The following RAPGEF1 variants were observed in gnomAD, a reference collection of about 807,000 sequenced individuals.
RAPGEF1 encodes the protein CRK SH3-binding GNRP.
A neutral mutation model predicts 143.3 loss-of-function variants in RAPGEF1; 33 were observed. That is an observed-to-expected ratio of 0.23 (90% CI 0.17 to 0.31). The LOEUF (loss-of-function observed/expected upper bound fraction) is 0.31, where lower values mean the gene tolerates loss of function less well. Ranked by LOEUF, RAPGEF1 falls within the 10% of genes least tolerant of loss-of-function variation. The probability of loss-of-function intolerance (pLI) is 1.00; values close to 1 mark genes in which losing one functional copy is unlikely to be tolerated. For synonymous variants in RAPGEF1, 629 were observed against 676.5 expected, an observed-to-expected ratio of 0.93 and a Z score of 1.09; for missense variants, 1,199 against 1,645.4, an observed-to-expected ratio of 0.73 and a Z score of 4.69.
intron 12 of RAPGEF1, among the ~76,000 whole-genome samples, chr9:131,605,641 C>T (rs1957002417): frequency 6.6e-6 from 1 of 152,194 alleles, no homozygotes; most frequent in Admixed American, 6.5e-5. Context: ...TGAAATCCAC[C>T]TTGAATGCTT....
At chr9:131,607,325 C>G (rs946987923) in intron 12 of RAPGEF1, among the ~76,000 whole-genome samples, 1 of 152,168 alleles carries the variant, frequency 6.6e-6, no homozygotes, top group Admixed American at 6.5e-5. Flanking sequence ...GCTTGCCGCC[C>G]TCACCTACAC....
rs373270123 is a variant in RAPGEF1, at chr9:131,638,776, G to T, written c.510C>A (p.Ser170=). 9.9e-6 allele frequency: 16 copies of T among 1,613,794 alleles called. No homozygotes were observed. Among genetic ancestry groups the T allele is most frequent in the Non-Finnish European group, 1.4e-5 (16 of 1,179,868 alleles). Residue 170 remains serine, a synonymous_variant, in exon 5 of 27, where the codon TCC becomes TCA. Coordinates refer to ENST00000683357, the MANE Select transcript of RAPGEF1 (RefSeq NM_001377935.1). ...PRIQHSSALS[S]CYSRVYQSLA... is the part of the protein sequence containing the mutation. ...GGCTTTGGTACACTCGGCTATAGCA[G>T]GAAGAGAGGGCTGAGCTACAGGGAA...
chr9:131,709,792 C>A, intron 1 of RAPGEF1: 1 of 1,528,804 alleles, frequency 6.5e-7, no homozygotes, highest in Non-Finnish European at 8.8e-7. Context: ...CATCCCAAAC[C>A]ACCCAGCGGC....
chr9:131,737,962 C>T (rs7045366), intron 1 of RAPGEF1, among the ~76,000 whole-genome samples: 40,837 of 125,388 alleles, frequency 0.33, 5,670 homozygotes, highest in South Asian at 0.35. Context: ...AGCAAGACTC[C>T]GTCTCAAAAA....
intron 1 of RAPGEF1, among the ~76,000 whole-genome samples, chr9:131,696,616 GA>G (rs1479475590): frequency 6.6e-6 from 1 of 152,188 alleles, no homozygotes; most frequent in Non-Finnish European, 1.5e-5. Context: ...GGTGCTCAGC[GA>G]ACTGTAGCTC....
At chr9:131,691,160 TTTC>T (rs1454532758) in intron 1 of RAPGEF1, among the ~76,000 whole-genome samples, 1 of 152,228 alleles carries the variant, frequency 6.6e-6, no homozygotes, top group African/African-American at 2.4e-5. Context: ...CTGAAGTCTT[TTTC>T]TTATCACTGG....
chr9:131,690,449 A>G (rs888353516), intron 1 of RAPGEF1, among the ~76,000 whole-genome samples: 26 of 152,318 alleles, frequency 1.7e-4, no homozygotes, highest in Admixed American at 2.0e-4. Flanking sequence ...ATTATTTATA[A>G]TGTCCAATTT....
intron 1 of RAPGEF1, among the ~76,000 whole-genome samples, chr9:131,705,461 C>A (rs955042296): frequency 6.6e-6 from 1 of 152,072 alleles, no homozygotes; most frequent in Non-Finnish European, 1.5e-5. Context: ...GGGCATTTGG[C>A]CTTAGAAAAT....
rs529137110 is a variant in RAPGEF1 at position 131,735,713 on chromosome 9, T to C, written c.61+4057A>G. On this transcript the variant is annotated intron_variant, in intron 1 of 26. Transcript: ENST00000683357. ...AAGTCCAAGTGGGCCGTCGGAGGTG[T>C]GGCTGGCTGTGGGAGTGGTGAGGGG... 2.1e-4 allele frequency among the ~76,000 whole-genome samples: 32 copies of C among 152,280 alleles called. No homozygotes were observed. The South Asian group carries it at 6.6e-3, about 32-fold the overall frequency.
intron 15 of RAPGEF1, 117 bp from the exon 16 acceptor site, chr9:131,598,427 C>T (rs748001717): frequency 8.0e-5 from 63 of 789,262 alleles, no homozygotes; most frequent in Non-Finnish European, 1.3e-4. Flanking sequence ...ATGCCTGCCC[C>T]GATGGCAGCT....
chr9:131,738,958 C>G (rs991741154), intron 1 of RAPGEF1, among the ~76,000 whole-genome samples: 5 of 152,178 alleles, frequency 3.3e-5, no homozygotes. Flanking sequence ...GGGCATGCTC[C>G]CAGTACAGGA....
chr9:131,688,650 G>A (rs969315595), intron 1 of RAPGEF1, among the ~76,000 whole-genome samples: 1 of 152,210 alleles, frequency 6.6e-6, no homozygotes, highest in Non-Finnish European at 1.5e-5. Flanking sequence ...ACAAGCCTGT[G>A]GCTGGGTGTG....
At chr9:131,702,678 G>A (rs936982044) in intron 1 of RAPGEF1, among the ~76,000 whole-genome samples, 5 of 152,158 alleles carry the variant, frequency 3.3e-5, no homozygotes, top group Non-Finnish European at 5.9e-5. Context: ...CTATGTTCCT[G>A]GCTTGGGAAC....
chr9:131,733,034 G>A (rs914476367), intron 1 of RAPGEF1, among the ~76,000 whole-genome samples: 1 of 152,144 alleles, frequency 6.6e-6, no homozygotes, highest in African/African-American at 2.4e-5. Context: ...GGCACAAAGA[G>A]CCCAGAGGAA....
At chr9:131,678,194 C>T (rs1014217194) in intron 1 of RAPGEF1, among the ~76,000 whole-genome samples, 1 of 152,166 alleles carries the variant, frequency 6.6e-6, no homozygotes, top group Non-Finnish European at 1.5e-5. Context: ...GCTTAGAACT[C>T]AAGATTTACT....
chr9:131,732,456 C>T (rs972704778), intron 1 of RAPGEF1, among the ~76,000 whole-genome samples: 1 of 152,114 alleles, frequency 6.6e-6, no homozygotes, highest in Non-Finnish European at 1.5e-5. Flanking sequence ...GCTCAAAGAA[C>T]GTGCACTCAA....
chr9:131,711,485 A>G, intron 1 of RAPGEF1, among the ~76,000 whole-genome samples: 1 of 151,718 alleles, frequency 6.6e-6, no homozygotes, highest in Non-Finnish European at 1.5e-5. Flanking sequence ...AGCCTCCTGA[A>G]TAGCTGGATT....
At chr9:131,629,876 T>C (rs1964374906) in intron 6 of RAPGEF1, among the ~76,000 whole-genome samples, 1 of 152,130 alleles carries the variant, frequency 6.6e-6, no homozygotes. Flanking sequence ...CAACCATCCA[T>C]GTCATCCTCA....
At chr9:131,589,025 CA>C in intron 19 of RAPGEF1, 39 bp from the exon 20 acceptor site, 1 of 1,591,736 alleles carries the variant, frequency 6.3e-7, no homozygotes, top group Non-Finnish European at 8.6e-7. Context: ...AGCAGGAACG[CA>C]AGGCCCAGGC....
Sources: gnomAD v4.1 joint callset for allele counts (sites outside exome capture counted in the v4.1 genomes callset) on GRCh38, gnomAD v4.1.1 for gene constraint, MANE v1.5 for transcripts, NCBI Gene and HGNC (gene_info 2026-07-23, HGNC 2026-07-21) for gene names.